Variants in ABCB7 observed in about 807,000 individuals in gnomAD.
The protein encoded by ABCB7 is ATP binding cassette subfamily B member 7.
ABCB7 carries 7 observed loss-of-function variants against 54.4 expected under a neutral mutation model. That is an observed-to-expected ratio of 0.13 (90% confidence interval 0.07 to 0.24). ABCB7 has a LOEUF of 0.24. Among genes scored for constraint, ABCB7 ranks in the 10% least tolerant of loss-of-function variants. The pLI is 1.00. For missense variants in ABCB7, 356 were observed against 570.4 expected (o/e 0.62, Z 3.83); for synonymous variants, 218 against 207.1 (o/e 1.05, Z -0.45).
intron 9 of ABCB7, among the ~76,000 whole-genome samples, chrX:75,071,036 TACTA>T (rs778671835): frequency 1.0e-3 from 115 of 109,986 alleles, no homozygotes; most frequent in African/African-American, 3.6e-3. Context: ...AATGAATGAA[TACTA>T]ACTGAGTGGG....
chrX:75,063,133 T>C (rs1336479195), intron 13 of ABCB7, among the ~76,000 whole-genome samples: 1 of 111,714 alleles, frequency 9.0e-6, no homozygotes, highest in African/African-American at 3.2e-5. Flanking sequence ...GCTCTTCTTA[T>C]CACAATGTGT....
chrX:75,117,393 C>T (rs777562593), intron 1 of ABCB7, among the ~76,000 whole-genome samples: 1 of 110,830 alleles, frequency 9.0e-6, no homozygotes, highest in Admixed American at 9.6e-5. Flanking sequence ...AGGTCGGGTG[C>T]ATATACGCAG....
intron 1 of ABCB7, among the ~76,000 whole-genome samples, chrX:75,133,525 T>C (rs904926629): frequency 9.0e-6 from 1 of 111,167 alleles, no homozygotes; most frequent in Non-Finnish European, 1.9e-5. Flanking sequence ...TCAAGACACA[T>C]AGTCATCAGA....
chrX:75,148,546 C>G (rs1261390437), intron 1 of ABCB7, among the ~76,000 whole-genome samples: 1 of 110,953 alleles, frequency 9.0e-6, no homozygotes, highest in Non-Finnish European at 1.9e-5. Flanking sequence ...GTCCTAACCT[C>G]TAATACTTCA....
rs368238673 is a variant in ABCB7 at position 75,156,116 on chromosome X, G to T, written c.157C>A (p.Arg53=). 4 of 1,210,035 alleles carry T rather than the reference G, an allele frequency of 3.3e-6. No individual in the cohort carries two copies. Among genetic ancestry groups the T allele is most frequent in the Non-Finnish European group, 4.5e-6 (4 of 894,761 alleles). Residue 53 remains arginine (R), a synonymous_variant, in exon 1 of 16, where the codon CGA becomes AGA. Transcript: ENST00000373394. ...PHQLGALGTA[R]AYQIPESLKS... is the part of the protein sequence containing the mutation. ...CAGTGGCATCTCACCTGGTAGGCTC[G>T]AGCGGTTCCCAAGGCGCCGAGTTGA...
chrX:75,140,622 G>GA (rs774965053), intron 1 of ABCB7, among the ~76,000 whole-genome samples: 1 of 111,089 alleles, frequency 9.0e-6, no homozygotes, highest in South Asian at 3.9e-4. Flanking sequence ...ACAATGAAAA[G>GA]AAGTGATATG....
chrX:75,092,965 G>C (rs1055219267), intron 4 of ABCB7, among the ~76,000 whole-genome samples: 1 of 111,684 alleles, frequency 9.0e-6, no homozygotes, highest in Non-Finnish European at 1.9e-5. Flanking sequence ...TTGCTTGTAG[G>C]AATGTAGAAT....
intron 4 of ABCB7, among the ~76,000 whole-genome samples, chrX:75,084,483 C>T (rs768918879): frequency 9.0e-5 from 10 of 111,340 alleles, no homozygotes; most frequent in Non-Finnish European, 1.1e-4. Flanking sequence ...TTTTAAAAAA[C>T]GTGGCACAAT....
chrX:75,063,645 G>A (rs1466336751), intron 13 of ABCB7, among the ~76,000 whole-genome samples: 1 of 111,106 alleles, frequency 9.0e-6, no homozygotes, highest in African/African-American at 3.3e-5. Context: ...GATATTCAGA[G>A]GAAGGACTAG....
intron 9 of ABCB7, among the ~76,000 whole-genome samples, chrX:75,070,866 T>C (rs1219001399): frequency 9.0e-6 from 1 of 110,923 alleles, no homozygotes; most frequent in African/African-American, 3.3e-5. Context: ...TTAGTATACA[T>C]TAAAAATTGG....
At chrX:75,148,131 A>T (rs1425090685) in intron 1 of ABCB7, among the ~76,000 whole-genome samples, 1 of 111,769 alleles carries the variant, frequency 8.9e-6, no homozygotes, top group Non-Finnish European at 1.9e-5. Flanking sequence ...AATAAAAAAT[A>T]AAAAATAAAC....
At chrX:75,070,890 C>T (rs1220220868) in intron 9 of ABCB7, among the ~76,000 whole-genome samples, 1 of 110,047 alleles carries the variant, frequency 9.1e-6, no homozygotes, top group Non-Finnish European at 1.9e-5. Context: ...AAATAGATAT[C>T]ACGATTAAGG....
chrX:75,096,784 C>CT (rs78958010), intron 4 of ABCB7, among the ~76,000 whole-genome samples: 117 of 103,212 alleles, frequency 1.1e-3, no homozygotes, highest in African/African-American at 3.0e-3. Flanking sequence ...TGGAATCCTA[C>CT]TTTTTTTTTT....
At chrX:75,144,108 T>G (rs1039475134) in intron 1 of ABCB7, among the ~76,000 whole-genome samples, 1 of 111,367 alleles carries the variant, frequency 9.0e-6, no homozygotes, top group African/African-American at 3.3e-5. Flanking sequence ...ATCACTTCTC[T>G]CCTATATTAC....
At chrX:75,073,443 G>T (rs1168024620) in intron 8 of ABCB7, among the ~76,000 whole-genome samples, 1 of 111,356 alleles carries the variant, frequency 9.0e-6, no homozygotes, top group Admixed American at 9.6e-5. Flanking sequence ...TCATTATACA[G>T]TGCATGACTG....
rs751658187 is a variant in ABCB7, at chrX:75,051,086, C to A, written c.*2284G>T. 8.2e-5 allele frequency among the ~76,000 whole-genome samples: 9 copies of A among 109,225 alleles called. No individual in the cohort carries two copies. 94.8% of individuals were successfully genotyped at this position (109,225 alleles called of 115,157 possible). A position where few individuals can be genotyped will look rare whatever the true frequency, so the allele number is the denominator to read the frequency against. On this transcript the variant is annotated 3_prime_UTR_variant, in exon 16 of 16. Transcript: ENST00000373394. ...AACTGGTTTATTAAAAGTACTCACC[C>A]CACCCCCAGAAGAGCAGTAACAACT...
intron 1 of ABCB7, among the ~76,000 whole-genome samples, chrX:75,121,011 G>A (rs900313157): frequency 4.5e-5 from 5 of 111,127 alleles, no homozygotes; most frequent in African/African-American, 1.6e-4. Flanking sequence ...TATGTAGGCT[G>A]GGCATGGTGG....
At chrX:75,063,595 T>C (rs1264582481) in intron 13 of ABCB7, among the ~76,000 whole-genome samples, 1 of 110,946 alleles carries the variant, frequency 9.0e-6, no homozygotes, top group African/African-American at 3.3e-5. Flanking sequence ...TCTTCCCGCC[T>C]ACCTATCAGC....
chrX:75,133,229 G>C (rs1193489611), intron 1 of ABCB7, among the ~76,000 whole-genome samples: 1 of 111,995 alleles, frequency 8.9e-6, no homozygotes, highest in Non-Finnish European at 1.9e-5. Flanking sequence ...GCTGAGGAAA[G>C]AATCTCAAAG....
Sources: gnomAD v4.1 joint callset for allele counts (sites outside exome capture counted in the v4.1 genomes callset) on GRCh38, gnomAD v4.1.1 for gene constraint, MANE v1.5 for transcripts, NCBI Gene and HGNC (gene_info 2026-07-23, HGNC 2026-07-21) for gene names.